The following FAR2 variants were observed in gnomAD, a reference collection of about 807,000 sequenced individuals.
FAR2 encodes fatty acyl-CoA reductase 2, also known as epididymis secretory protein Li 81.
FAR2 carries 19 observed loss-of-function variants against 56.0 expected under a neutral mutation model. The observed-to-expected ratio is 0.34, with a 90% CI of 0.24 to 0.50. The LOEUF (loss-of-function observed/expected upper bound fraction) is 0.50. Ranked by LOEUF, FAR2 falls within the 20% of genes least tolerant of loss-of-function variation. The pLI is 0.98. For missense variants in FAR2, 508 were observed against 642.2 expected, an observed-to-expected ratio of 0.79 and a Z score of 2.26; for synonymous variants, 219 against 218.8, an observed-to-expected ratio of 1.00 and a Z score of -0.01.
At chr12:29,333,173 G>A (rs1449392607) in intron 11 of FAR2, 2 of 321,332 alleles carry the variant, frequency 6.2e-6, no homozygotes, top group Non-Finnish European at 1.2e-5. Flanking sequence ...TGAGGGACAA[G>A]GAATTCTAGC....
In FAR2 at chr12:29,291,441, G is replaced by A. The variant is rs1161020919; in HGVS notation, c.190-1859G>A. On this transcript the variant is annotated intron_variant, in intron 2 of 11. Coordinates refer to ENST00000536681, the MANE Select transcript of FAR2 (RefSeq NM_001271783.2). ...TTTGAAAGCTACTGATGCGAAGATT[G>A]CTCTGGGCAGTTATAAAGGGAAATG... is the stretch of plus-strand genomic sequence containing the variant. 1.3e-5 allele frequency: 6 copies of A among 455,876 alleles called. 1 individual carries two copies. The highest frequency in any genetic ancestry group is 9.3e-5 in the South Asian group (6 of 64,552). The allele number at this position is 455,876 out of a possible 1,614,324, so 28.2% of individuals were successfully genotyped here. A position where few individuals can be genotyped will look rare whatever the true frequency, so the allele number is the denominator to read the frequency against.
intron 1 of FAR2, among the ~76,000 whole-genome samples, chr12:29,244,176 A>C (rs1045359333): frequency 6.6e-6 from 1 of 152,220 alleles, no homozygotes; most frequent in Non-Finnish European, 1.5e-5. Flanking sequence ...CAAATGATTC[A>C]TCATAGAACT....
chr12:29,291,658 G>A (rs775327207), intron 2 of FAR2, among the ~76,000 whole-genome samples: 1 of 152,210 alleles, frequency 6.6e-6, no homozygotes, highest in African/African-American at 2.4e-5. Context: ...TATGCTACTA[G>A]TGATTCCAAT....
chr12:29,178,254 C>A (rs576130315), intron 1 of FAR2, among the ~76,000 whole-genome samples: 97 of 151,848 alleles, frequency 6.4e-4, no homozygotes, highest in Middle Eastern at 6.9e-3. Context: ...TTAAAACTTA[C>A]ATTAAGTGAT....
intron 1 of FAR2, among the ~76,000 whole-genome samples, chr12:29,216,595 A>AC (rs1947624135): frequency 6.6e-6 from 1 of 151,978 alleles, no homozygotes; most frequent in Non-Finnish European, 1.5e-5. Context: ...AAATCTCCTA[A>AC]CCCCATCAAC....
At chr12:29,244,109 T>TTCC (rs1410343495) in intron 1 of FAR2, among the ~76,000 whole-genome samples, 1 of 152,246 alleles carries the variant, frequency 6.6e-6, no homozygotes, top group African/African-American at 2.4e-5. Context: ...CATTTGGATA[T>TTCC]TCCTGTATGT....
At chr12:29,182,972 C>T (rs1192452605) in intron 1 of FAR2, among the ~76,000 whole-genome samples, 3 of 144,676 alleles carry the variant, frequency 2.1e-5, no homozygotes, top group African/African-American at 7.7e-5. Context: ...CCATTGACTC[C>T]ATAGTCCATT....
intron 5 of FAR2, 136 bp downstream of exon 5, chr12:29,307,971 T>C (rs923015541): frequency 5.4e-6 from 5 of 933,168 alleles, no homozygotes; most frequent in East Asian, 2.8e-5. Context: ...GAACCCATTA[T>C]ACTAGGGCAA....
intron 1 of FAR2, among the ~76,000 whole-genome samples, chr12:29,188,954 T>A (rs916282559): frequency 3.9e-5 from 6 of 152,014 alleles, no homozygotes; most frequent in Non-Finnish European, 7.4e-5. Flanking sequence ...ATATCAGGGG[T>A]TTTTGATAGG....
chr12:29,206,930 A>G (rs1245240820), intron 1 of FAR2, among the ~76,000 whole-genome samples: 6 of 152,036 alleles, frequency 3.9e-5, no homozygotes, highest in Non-Finnish European at 7.4e-5. Flanking sequence ...GCCAAATAGG[A>G]TGCCACCAGC....
intron 1 of FAR2, among the ~76,000 whole-genome samples, chr12:29,168,129 A>G (rs1302789515): frequency 6.6e-6 from 1 of 152,194 alleles, no homozygotes; most frequent in African/African-American, 2.4e-5. Flanking sequence ...CACAGATGCC[A>G]GGGAAGTCTT....
At chr12:29,256,752 T>G (rs1173260845) in intron 1 of FAR2, among the ~76,000 whole-genome samples, 4 of 152,174 alleles carry the variant, frequency 2.6e-5, no homozygotes, top group African/African-American at 9.7e-5. Context: ...CGGCCGGCCC[T>G]GCCAGCCCCG....
rs550955574 is a variant in FAR2, at chr12:29,258,081, C to T, written c.-38-12331C>T. 2.0e-5 allele frequency among the ~76,000 whole-genome samples: 3 copies of T among 151,962 alleles called. No individual in the cohort carries two copies. The South Asian group carries it at 6.2e-4, about 32-fold the overall frequency. On this transcript the variant is annotated intron_variant, in intron 1 of 11. Transcript: ENST00000536681. ...CACAGGGGCTGGGCACAGTGGCTCA[C>T]GCATGTAATTCCAGCACTTTGGGAG...
At chr12:29,152,200 G>GA (rs1351092629) in intron 1 of FAR2, among the ~76,000 whole-genome samples, 4 of 152,200 alleles carry the variant, frequency 2.6e-5, no homozygotes, top group Non-Finnish European at 5.9e-5. Context: ...CGAACGGTGA[G>GA]AAAATGAGCC....
intron 10 of FAR2, among the ~76,000 whole-genome samples, chr12:29,330,139 C>A (rs1484268652): frequency 6.7e-6 from 1 of 148,386 alleles, no homozygotes; most frequent in Non-Finnish European, 1.5e-5. Context: ...TCACTGCAAC[C>A]TCCGCCTCCC....
chr12:29,239,992 T>C (rs1217527468), intron 1 of FAR2, among the ~76,000 whole-genome samples: 4 of 152,200 alleles, frequency 2.6e-5, no homozygotes, highest in African/African-American at 9.7e-5. Flanking sequence ...ACATTACTTT[T>C]ATCCTATGTT....
At chr12:29,160,112 A>G (rs1329719790) in intron 1 of FAR2, among the ~76,000 whole-genome samples, 2 of 152,238 alleles carry the variant, frequency 1.3e-5, no homozygotes, top group Non-Finnish European at 2.9e-5. Context: ...CATGACCAGA[A>G]CAACATGGGG....
chr12:29,308,719 CAT>C lies in FAR2; in HGVS notation c.724-454_724-453del, dbSNP rs71042985. Among the ~76,000 whole-genome samples, 1,264 of 132,362 alleles carry C rather than the reference CAT, an allele frequency of 9.5e-3. 28 individuals carry two copies. Among genetic ancestry groups the C allele is most frequent in the African/African-American group, 0.022 (774 of 35,058 alleles). The allele number at this position is 132,362 out of a possible 152,430, so 86.8% of individuals were successfully genotyped here. On this transcript the variant is annotated intron_variant, in intron 5 of 11. Transcript: ENST00000536681. Reference sequence around the variant, plus strand: ...ACACACACACACACACACACACACACATATATATATATATGTATATATATCTG... The same window carrying C: ...ACACACACACACACACACACACACACATATATATATATGTATATATATCTG...
chr12:29,244,676 A>G (rs372036702), intron 1 of FAR2, among the ~76,000 whole-genome samples: 1 of 152,306 alleles, frequency 6.6e-6, no homozygotes, highest in African/African-American at 2.4e-5. Context: ...ATGCAAAGTG[A>G]ATCTATTGTT....
Sources: allele counts gnomAD v4.1 joint callset (sites outside exome capture counted in the v4.1 genomes callset), GRCh38; gene constraint gnomAD v4.1.1; transcripts MANE v1.5; gene names NCBI Gene and HGNC (gene_info 2026-07-23, HGNC 2026-07-21).